The following IMMP2L variants were observed in gnomAD, a reference collection of about 807,000 sequenced individuals.
IMMP2L encodes mitochondrial inner membrane protease subunit 2.
A neutral mutation model predicts 19.3 loss-of-function variants in IMMP2L; 18 were observed. That is an observed-to-expected ratio of 0.93 (90% CI 0.64 to 1.38). IMMP2L has a LOEUF of 1.38. IMMP2L is among the 40% of genes most tolerant of loss of function. IMMP2L has a pLI of 0.00. For synonymous variants in IMMP2L, 76 were observed against 73.0 expected (o/e 1.04, Z -0.21); for missense variants, 233 against 218.2 (o/e 1.07, Z -0.43).
intron 5 of IMMP2L, among the ~76,000 whole-genome samples, chr7:110,691,469 A>G (rs1458972933): frequency 6.6e-6 from 1 of 152,180 alleles, no homozygotes; most frequent in Non-Finnish European, 1.5e-5. Context: ...ATGAAACCTA[A>G]TTAAACTAAA....
chr7:111,471,306 T>G (rs1841249443), intron 3 of IMMP2L, among the ~76,000 whole-genome samples: 1 of 152,086 alleles, frequency 6.6e-6, no homozygotes, highest in African/African-American at 2.4e-5. Context: ...TCTTGACAGA[T>G]TCTAGGGAAT....
chr7:110,862,625 G>A (rs1807565111), intron 5 of IMMP2L, among the ~76,000 whole-genome samples: 1 of 151,698 alleles, frequency 6.6e-6, no homozygotes, highest in Non-Finnish European at 1.5e-5. Flanking sequence ...GATTATAGGT[G>A]TGAGCCACTG....
At chr7:110,742,907 A>C (rs1033145619) in intron 5 of IMMP2L, among the ~76,000 whole-genome samples, 4 of 152,142 alleles carry the variant, frequency 2.6e-5, no homozygotes, top group Non-Finnish European at 5.9e-5. Flanking sequence ...CCTCTTTCAC[A>C]CACATGGACA....
chr7:111,528,556 C>A (rs565463931), intron 1 of IMMP2L, among the ~76,000 whole-genome samples: 2 of 152,286 alleles, frequency 1.3e-5, no homozygotes, highest in South Asian at 4.1e-4. Context: ...GTGATGCTGA[C>A]CTCAACCACA....
chr7:111,078,795 A>G (rs2129576127), intron 3 of IMMP2L, among the ~76,000 whole-genome samples: 1 of 152,176 alleles, frequency 6.6e-6, no homozygotes, highest in South Asian at 2.1e-4. Flanking sequence ...CAATGGCACG[A>G]TCTCAGCTCA....
chr7:111,467,391 T>A (rs1840775976), intron 3 of IMMP2L, among the ~76,000 whole-genome samples: 1 of 152,212 alleles, frequency 6.6e-6, no homozygotes, highest in African/African-American at 2.4e-5. Context: ...TTCAGTTCTG[T>A]AAAGATGGTA....
chr7:111,529,453 A>C (rs1847190734), intron 1 of IMMP2L, among the ~76,000 whole-genome samples: 1 of 152,212 alleles, frequency 6.6e-6, no homozygotes, highest in African/African-American at 2.4e-5. Flanking sequence ...ATATTTTATA[A>C]ACAGACACTT....
intron 3 of IMMP2L, among the ~76,000 whole-genome samples, chr7:110,975,144 G>A (rs1820559914): frequency 6.6e-6 from 1 of 151,830 alleles, no homozygotes; most frequent in Non-Finnish European, 1.5e-5. Flanking sequence ...TTAGTTATAA[G>A]TTAAAAACAG....
rs114470995 is a variant in IMMP2L at position 111,136,626 on chromosome 7, G to A, written c.240-173061C>T. 4.0e-3 allele frequency among the ~76,000 whole-genome samples: 612 copies of A among 152,272 alleles called. 5 individuals are homozygous for A. Among genetic ancestry groups the A allele is most frequent in the African/African-American group, 0.014 (578 of 41,564 alleles). ...AATATAGTACCAGAAATTGGATGCA[G>A]TCCTCCAGGTGTGCTAATCTCTAAT... On this transcript the variant is annotated intron_variant, in intron 3 of 5. Coordinates refer to ENST00000405709, the MANE Select transcript of IMMP2L (RefSeq NM_032549.4).
chr7:110,909,910 G>GAC (rs1554455729), intron 4 of IMMP2L, among the ~76,000 whole-genome samples: 1 of 149,572 alleles, frequency 6.7e-6, no homozygotes, highest in African/African-American at 2.5e-5. Context: ...GAGAGAGAAA[G>GAC]AGAGAGAGAG....
intron 5 of IMMP2L, among the ~76,000 whole-genome samples, chr7:110,747,681 T>C (rs1349397974): frequency 2.0e-5 from 3 of 152,162 alleles, no homozygotes; most frequent in African/African-American, 7.2e-5. Context: ...AGAAAAAGCC[T>C]TCGAAAAAAT....
intron 5 of IMMP2L, among the ~76,000 whole-genome samples, chr7:110,879,006 C>A (rs1242056251): frequency 6.6e-6 from 1 of 152,066 alleles, no homozygotes; most frequent in East Asian, 1.9e-4. Flanking sequence ...ATGCCTTAGG[C>A]CTCACATATA....
At position 110,662,658 on chromosome 7, in the gene IMMP2L, T is replaced by C. The variant is rs1256003581; in HGVS notation, c.*944A>G. 1.3e-5 allele frequency among the ~76,000 whole-genome samples: 2 copies of C among 152,214 alleles called. No homozygotes were observed. The highest frequency in any genetic ancestry group is 2.9e-5 in the Non-Finnish European group (2 of 68,038). On this transcript the variant is annotated 3_prime_UTR_variant, in exon 6 of 6. Transcript: ENST00000405709. ...TAAACATGGACTTAGATGCAGGGAA[T>C]TTATTCCATTATCCATACAAATTAC...
chr7:111,238,421 T>C (rs1226217203), intron 3 of IMMP2L, among the ~76,000 whole-genome samples: 2 of 152,032 alleles, frequency 1.3e-5, no homozygotes, highest in Non-Finnish European at 2.9e-5. Flanking sequence ...ATTGTTAAGT[T>C]TCACTGACAA....
chr7:110,833,274 A>G (rs1432298503), intron 5 of IMMP2L, among the ~76,000 whole-genome samples: 2 of 152,042 alleles, frequency 1.3e-5, no homozygotes, highest in African/African-American at 4.8e-5. Flanking sequence ...TCCTATCTCC[A>G]CTAAAAATAC....
intron 3 of IMMP2L, among the ~76,000 whole-genome samples, chr7:111,445,007 G>A (rs1164978447): frequency 1.3e-5 from 2 of 152,030 alleles, no homozygotes; most frequent in African/African-American, 2.4e-5. Flanking sequence ...TTGAGCCTTA[G>A]AAGATTTTTC....
At position 110,944,450 on chromosome 7, in the gene IMMP2L, A is replaced by AGT. The variant is rs925687102; in HGVS notation, c.305+19048_305+19049dup. Among the ~76,000 whole-genome samples the AGT allele has an allele frequency of 7.5e-5, 11 of 147,562 alleles. No individual in the cohort carries two copies. In the East Asian group the frequency reaches 1.6e-3, roughly 21 times the overall value. ...GGAATAGTATAGCTCAAGCACATAGAGTGTGTGTGTGTGCGCGCGCACGTG... is the reference window on the plus strand; with the variant it reads ...GGAATAGTATAGCTCAAGCACATAGAGTGTGTGTGTGTGTGCGCGCGCACGTG... On this transcript the variant is annotated intron_variant, in intron 4 of 5. Transcript: ENST00000405709.
rs1194917299 is a variant in IMMP2L, at chr7:110,695,145, G to A, written c.409-31424C>T. 1.2e-4 allele frequency among the ~76,000 whole-genome samples: 19 copies of A among 152,214 alleles called. No homozygotes were observed. The South Asian group carries it at 2.9e-3, about 23-fold the overall frequency. On this transcript the variant is annotated intron_variant, in intron 5 of 5. Coordinates refer to ENST00000405709, the MANE Select transcript of IMMP2L (RefSeq NM_032549.4). The stretch of plus-strand genomic sequence containing the variant: ...TATTTTGGAAGTAGACATAGTGGTT[G>A]TACCGCATCATAAAAATGTTTGATG...
At chr7:111,360,876 G>A (rs1041112863) in intron 3 of IMMP2L, among the ~76,000 whole-genome samples, 1 of 151,836 alleles carries the variant, frequency 6.6e-6, no homozygotes, top group African/African-American at 2.4e-5. Flanking sequence ...AAATATTTTT[G>A]TTTTGAAATA....
Sources: gnomAD v4.1 joint callset for allele counts (sites outside exome capture counted in the v4.1 genomes callset) on GRCh38, gnomAD v4.1.1 for gene constraint, MANE v1.5 for transcripts, NCBI Gene and HGNC (gene_info 2026-07-23, HGNC 2026-07-21) for gene names.